The following NOVA1 variants were observed in gnomAD, a reference collection of about 807,000 sequenced individuals.
NOVA1 encodes RNA-binding protein Nova-1.
NOVA1 carries 7 observed loss-of-function variants against 38.0 expected under a neutral mutation model. That is an observed-to-expected ratio of 0.18 (90% CI 0.10 to 0.35). NOVA1 has a LOEUF of 0.35. Among genes scored for constraint, NOVA1 ranks in the 10% least tolerant of loss-of-function variants. The pLI, the probability that NOVA1 is intolerant of heterozygous loss-of-function variation, is 1.00. For missense variants in NOVA1, 460 were observed against 616.0 expected, an observed-to-expected ratio of 0.75 and a Z score of 2.68; for synonymous variants, 270 against 232.5, an observed-to-expected ratio of 1.16 and a Z score of -1.47.
intron 4 of NOVA1, chr14:26,470,434 T>G (rs759181048): frequency 6.5e-7 from 1 of 1,545,872 alleles, no homozygotes; most frequent in East Asian, 2.3e-5. Context: ...GAATTACGGA[T>G]TTTGTTTTGT....
At chr14:26,495,400 C>G (rs1886685786) in intron 2 of NOVA1, among the ~76,000 whole-genome samples, 1 of 152,154 alleles carries the variant, frequency 6.6e-6, no homozygotes, top group Non-Finnish European at 1.5e-5. Context: ...ACATGTGTAT[C>G]CCCAGCCTAC....
chr14:26,519,700 G>A (rs989477416), intron 2 of NOVA1: 4 of 152,090 alleles, frequency 2.6e-5, no homozygotes, highest in Non-Finnish European at 5.9e-5. Flanking sequence ...TAATGGATTT[G>A]CATGACAATT....
chr14:26,503,684 A>G (rs1186334096), intron 2 of NOVA1, among the ~76,000 whole-genome samples: 1 of 152,154 alleles, frequency 6.6e-6, no homozygotes, highest in African/African-American at 2.4e-5. Context: ...GGAAATACTG[A>G]GTTATTCATA....
chr14:26,482,294 A>AT (rs1194542732), intron 2 of NOVA1, among the ~76,000 whole-genome samples: 2 of 152,180 alleles, frequency 1.3e-5, no homozygotes, highest in African/African-American at 4.8e-5. Flanking sequence ...AACTATTAAC[A>AT]TAAAAAAAGG....
intron 2 of NOVA1, among the ~76,000 whole-genome samples, chr14:26,540,501 T>A (rs1416746269): frequency 6.6e-6 from 1 of 152,166 alleles, no homozygotes; most frequent in Non-Finnish European, 1.5e-5. Context: ...TGTAACCATA[T>A]TTTTAAAAAT....
In NOVA1 at chr14:26,448,680, G is replaced by A; in HGVS notation, c.803C>T (p.Thr268Ile). The A allele has an allele frequency of 6.2e-7, 1 of 1,614,214 alleles. No individual in the cohort carries two copies. Among genetic ancestry groups the A allele is most frequent in the Non-Finnish European group, 8.5e-7 (1 of 1,180,034 alleles). ...VTGPVANSNP[T>I]GSPYANTAEV... Reference sequence around the variant, plus strand: ...AGCAGTGTTTGCATAAGGAGATCCGGTTGGATTGGAATTTGCCACTGGACC... The same window carrying A: ...AGCAGTGTTTGCATAAGGAGATCCGATTGGATTGGAATTTGCCACTGGACC... The change falls in exon 5 of 5, where the codon ACC (threonine) becomes ATC (isoleucine). Residue 268 changes from threonine to isoleucine, a missense_variant. Thr to Ile is a moderately conservative substitution (Grantham distance 89). Coordinates refer to ENST00000539517, the MANE Select transcript of NOVA1 (RefSeq NM_002515.3). This position sits in a 1 kb window ranked among gnomAD's most constrained non-coding sequence, Gnocchi z 5.3.
intron 2 of NOVA1, among the ~76,000 whole-genome samples, chr14:26,495,596 C>T (rs1886704619): frequency 2.3e-5 from 2 of 87,218 alleles, no homozygotes; most frequent in Admixed American, 9.9e-5. Context: ...GCTGCACCCA[C>T]TAACTCATCA....
chr14:26,520,245 T>C (rs1454101387), intron 2 of NOVA1, among the ~76,000 whole-genome samples: 4 of 152,140 alleles, frequency 2.6e-5, no homozygotes, highest in Non-Finnish European at 4.4e-5. Flanking sequence ...TAAACACAGA[T>C]GAAAACACAG....
At chr14:26,566,879 A>C (rs957663049) in intron 2 of NOVA1, among the ~76,000 whole-genome samples, 3 of 152,166 alleles carry the variant, frequency 2.0e-5, no homozygotes, top group African/African-American at 7.2e-5. Context: ...CTACTTTTTA[A>C]AATCTTCCTT....
chr14:26,475,234 G>T (rs563523710), intron 3 of NOVA1, among the ~76,000 whole-genome samples: 1 of 151,894 alleles, frequency 6.6e-6, no homozygotes, highest in Admixed American at 6.6e-5. Flanking sequence ...GTCTCGCTTT[G>T]TTGCCCAGGC....
chr14:26,453,164 T>TTACG (rs1882846089), intron 4 of NOVA1, among the ~76,000 whole-genome samples: 1 of 125,132 alleles, frequency 8.0e-6, no homozygotes, highest in Non-Finnish European at 1.7e-5. Flanking sequence ...ACTGCTTCAA[T>TTACG]TATGTATGTA....
In NOVA1 at chr14:26,448,535, G is replaced by C; in HGVS notation, c.948C>G (p.Thr316=). The change falls in exon 5 of 5, where the codon ACC becomes ACG. Residue 316 remains threonine, a synonymous_variant. Transcript: ENST00000539517. This position sits in a 1 kb window ranked among gnomAD's most constrained non-coding sequence, Gnocchi z 5.3. ...GFTGNDLVAI[T]SALNTLASYG... ...AGCTGGCTAATGTATTAAGTGCAGA[G>C]GTGATGGCCACCAGGTCATTGCCTG... 1 of 1,614,218 alleles carries C rather than the reference G, an allele frequency of 6.2e-7. No homozygotes were observed. The highest frequency in any genetic ancestry group is 8.5e-7 in the Non-Finnish European group (1 of 1,180,036).
chr14:26,492,099 C>G (rs891342159), intron 2 of NOVA1, among the ~76,000 whole-genome samples: 2 of 152,064 alleles, frequency 1.3e-5, no homozygotes, highest in Non-Finnish European at 2.9e-5. Flanking sequence ...CAGTTTTGTA[C>G]CTCCTTGGTT....
At position 26,448,894 on chromosome 14, in the gene NOVA1, C is replaced by T. The variant is rs762662114; in HGVS notation, c.589G>A (p.Val197Ile). The change falls in exon 5 of 5, where the codon GTA becomes ATA. Residue 197 changes from valine to isoleucine, a missense_variant. Val to Ile is a conservative substitution (Grantham distance 29). Transcript: ENST00000539517. This position sits in a 1 kb window ranked among gnomAD's most constrained non-coding sequence, Gnocchi z 5.3. ...ACCCAAGCCCCTGACTGCTCCATTA[C>T]AGCCTTCACAGTAGCACCTCCCTTC... ...IGKGGATVKA[V>I]MEQSGAWVQL... is the part of the protein sequence containing the mutation. The T allele has an allele frequency of 1.2e-6, 2 of 1,614,152 alleles. No homozygotes were observed. The highest frequency in any genetic ancestry group is 4.5e-5 in the East Asian group (2 of 44,870).
chr14:26,497,335 T>C (rs1167485031), intron 2 of NOVA1, among the ~76,000 whole-genome samples: 1 of 152,034 alleles, frequency 6.6e-6, no homozygotes, highest in Non-Finnish European at 1.5e-5. Flanking sequence ...TGCTCATGGG[T>C]AGGAAGAATC....
At chr14:26,529,116 G>A (rs1187934274) in intron 2 of NOVA1, among the ~76,000 whole-genome samples, 2 of 150,308 alleles carry the variant, frequency 1.3e-5, no homozygotes, top group Non-Finnish European at 3.0e-5. Flanking sequence ...AGTATCTAAT[G>A]AAGTGGTTAT....
In NOVA1 at chr14:26,448,166, T is replaced by C; in HGVS notation, c.1317A>G (p.Lys439=). The stretch of plus-strand genomic sequence containing the variant: ...GGTATTCCACTAATGTTTTCCCTCC[T>C]TTGCCAAGTATTGCACCAACTAAGT... ...PENLVGAILG[K]GGKTLVEYQE... The change falls in exon 5 of 5, where the codon AAA becomes AAG. Residue 439 remains lysine, a synonymous_variant. Transcript: ENST00000539517. The surrounding 1 kb of genome is among the most constrained non-coding windows in gnomAD (Gnocchi z 5.3). The C allele has an allele frequency of 6.2e-7, 1 of 1,614,216 alleles. No individual in the cohort carries two copies. Among genetic ancestry groups the C allele is most frequent in the Non-Finnish European group, 8.5e-7 (1 of 1,180,028 alleles).
chr14:26,537,083 T>C (rs1189406215), intron 2 of NOVA1, among the ~76,000 whole-genome samples: 1 of 152,010 alleles, frequency 6.6e-6, no homozygotes, highest in African/African-American at 2.4e-5. Context: ...ACACAATAAC[T>C]TAAATACAAT....
At chr14:26,548,150 T>C (rs1185353508) in intron 2 of NOVA1, among the ~76,000 whole-genome samples, 1 of 151,820 alleles carries the variant, frequency 6.6e-6, no homozygotes, top group African/African-American at 2.4e-5. Flanking sequence ...ACATTATCAC[T>C]CAGCATTTAA....
Sources: allele counts gnomAD v4.1 joint callset (sites outside exome capture counted in the v4.1 genomes callset), GRCh38; gene constraint gnomAD v4.1.1; non-coding constraint Gnocchi (gnomAD v3.1); transcripts MANE v1.5; gene names NCBI Gene and HGNC (gene_info 2026-07-23, HGNC 2026-07-21).